The following HS3ST3B1 variants were observed in gnomAD, a reference collection of about 807,000 sequenced individuals.
The protein encoded by HS3ST3B1 is heparan sulfate-glucosamine 3-sulfotransferase 3B1.
Under a neutral mutation model 21.3 loss-of-function variants are expected in HS3ST3B1, and 13 were observed. The ratio of observed to expected loss-of-function variants is 0.61; its 90% CI spans 0.40 to 0.97. HS3ST3B1 has a LOEUF of 0.97. Ranked by LOEUF, HS3ST3B1 falls within the 50% of genes least tolerant of loss-of-function variation. HS3ST3B1 has a pLI of 0.00. For synonymous variants in HS3ST3B1, 234 were observed against 254.8 expected, an observed-to-expected ratio of 0.92 and a Z score of 0.78; for missense variants, 459 against 554.8, an observed-to-expected ratio of 0.83 and a Z score of 1.73.
At chr17:14,344,537 G>A (rs1910492519) in intron 1 of HS3ST3B1, among the ~76,000 whole-genome samples, 1 of 152,156 alleles carries the variant, frequency 6.6e-6, no homozygotes, top group Admixed American at 6.5e-5. Flanking sequence ...CAACTGGGCG[G>A]GACCCGAGGG....
chr17:14,321,383 C>T (rs1023764598), intron 1 of HS3ST3B1, among the ~76,000 whole-genome samples: 10 of 152,214 alleles, frequency 6.6e-5, no homozygotes, highest in African/African-American at 9.6e-5. Context: ...TTTAGCCTGG[C>T]GCAGCTTCAT....
chr17:14,343,550 C>T (rs1229630469), intron 1 of HS3ST3B1, among the ~76,000 whole-genome samples: 1 of 152,140 alleles, frequency 6.6e-6, no homozygotes, highest in Non-Finnish European at 1.5e-5. Context: ...GTGAGATCAA[C>T]TTTTTTAGAT....
chr17:14,315,031 C>T (rs144326943), intron 1 of HS3ST3B1, among the ~76,000 whole-genome samples: 157 of 152,304 alleles, frequency 1.0e-3, no homozygotes, highest in African/African-American at 3.5e-3. Flanking sequence ...TTGATGAAAT[C>T]ATTTTCAGTG....
intron 1 of HS3ST3B1, among the ~76,000 whole-genome samples, chr17:14,310,370 G>A (rs1567636351): frequency 6.6e-6 from 1 of 152,134 alleles, no homozygotes; most frequent in Non-Finnish European, 1.5e-5. Flanking sequence ...CATTTCTAGT[G>A]CTGCCCAAGG....
chr17:14,310,893 A>G (rs1007737009), intron 1 of HS3ST3B1, among the ~76,000 whole-genome samples: 3 of 152,148 alleles, frequency 2.0e-5, no homozygotes, highest in African/African-American at 4.8e-5. Flanking sequence ...AAGATCCCCA[A>G]GTGTGTGGGT....
At chr17:14,312,305 G>A (rs566592460) in intron 1 of HS3ST3B1, among the ~76,000 whole-genome samples, 15 of 152,202 alleles carry the variant, frequency 9.9e-5, no homozygotes, top group Non-Finnish European at 1.9e-4. Context: ...AAGGAAGAAG[G>A]GAACGACTCC....
chr17:14,330,889 G>A (rs1351159399), intron 1 of HS3ST3B1, among the ~76,000 whole-genome samples: 1 of 152,032 alleles, frequency 6.6e-6, no homozygotes, highest in Non-Finnish European at 1.5e-5. Context: ...TTAGAGACCG[G>A]GAAGCTAGGA....
At position 14,345,475 on chromosome 17, in the gene HS3ST3B1, C is replaced by G. The variant is rs1310966744; in HGVS notation, c.1002C>G (p.Phe334Leu). 1 of 1,529,408 alleles carries G rather than the reference C, an allele frequency of 6.5e-7. No individual in the cohort carries two copies. Among genetic ancestry groups the G allele is most frequent in the Admixed American group, 1.7e-5 (1 of 58,362 alleles). 94.7% of individuals were successfully genotyped at this position (1,529,408 alleles called of 1,614,324 possible). A position where few individuals can be genotyped will look rare whatever the true frequency, so the allele number is the denominator to read the frequency against. Residue 334 changes from phenylalanine (F) to leucine (L), a missense_variant, in exon 2 of 2, where the codon TTC becomes TTG. Phe to Leu is a conservative substitution (Grantham distance 22). Transcript: ENST00000360954. Reference sequence around the variant, plus strand: ...TCTACTTCAACAAGACCAAGGGCTTCCCCTGCCTGAAGAAGGCGGAGGGCA... The same window carrying G: ...TCTACTTCAACAAGACCAAGGGCTTGCCCTGCCTGAAGAAGGCGGAGGGCA... Reference protein sequence around the residue: ...KHFYFNKTKGFPCLKKAEGSS... With the variant: ...KHFYFNKTKGLPCLKKAEGSS...
intron 1 of HS3ST3B1, chr17:14,304,405 C>A (rs1460526739): frequency 1.3e-5 from 2 of 152,202 alleles, no homozygotes; most frequent in African/African-American, 4.8e-5. Context: ...TGGATATTTT[C>A]CAAGGGGGAA....
rs145630958 is a variant in HS3ST3B1 at position 14,320,503 on chromosome 17, C to G, written c.554+18431C>G. ...GATGTTTGTAAGTAAGCCTTAACCT[C>G]ATGACATTGAAGGGTAACTAGTACA... On this transcript the variant is annotated intron_variant, in intron 1 of 1. Transcript: ENST00000360954. Among the ~76,000 whole-genome samples the G allele has an allele frequency of 4.1e-3, 622 of 152,244 alleles. 9 individuals carry two copies. The highest frequency in any genetic ancestry group is 0.014 in the African/African-American group (580 of 41,548).
chr17:14,330,583 G>T (rs1296891139), intron 1 of HS3ST3B1, among the ~76,000 whole-genome samples: 1 of 150,502 alleles, frequency 6.6e-6, no homozygotes, highest in Non-Finnish European at 1.5e-5. Context: ...GTGTGTGTGT[G>T]TTGCTTGCGG....
intron 1 of HS3ST3B1, chr17:14,329,222 T>C (rs966458700): frequency 3.3e-5 from 5 of 151,946 alleles, no homozygotes; most frequent in Admixed American, 2.0e-4. Context: ...TTTAGCAGCC[T>C]CAGATGGATC....
In HS3ST3B1 at chr17:14,301,388, C is replaced by T; in HGVS notation, c.-131C>T. On this transcript the variant is annotated 5_prime_UTR_variant, in exon 1 of 2. Transcript: ENST00000360954. ...AGAGCAGCAGCAGCAGCGGCGGCCG[C>T]GGGCACACGGGGGCAATAAACCGAG... 5.2e-6 allele frequency: 4 copies of T among 774,738 alleles called. No individual in the cohort carries two copies. Among genetic ancestry groups the T allele is most frequent in the Non-Finnish European group, 7.3e-6 (4 of 545,482 alleles). The allele number at this position is 774,738 out of a possible 1,614,324, so 48.0% of individuals were successfully genotyped here. A position where few individuals can be genotyped will look rare whatever the true frequency, so the allele number is the denominator to read the frequency against.
At chr17:14,304,575 C>T (rs1216200073) in intron 1 of HS3ST3B1, 1 of 152,252 alleles carries the variant, frequency 6.6e-6, no homozygotes, top group Non-Finnish European at 1.5e-5. Context: ...ACCCAGAGCG[C>T]ATTACCTAAA....
intron 1 of HS3ST3B1, chr17:14,305,611 T>G (rs1909108093): frequency 6.6e-6 from 1 of 152,232 alleles, no homozygotes; most frequent in South Asian, 2.1e-4. Context: ...TTATTGTTTG[T>G]TATACAAAAA....
At chr17:14,326,644 G>A (rs1455872804) in intron 1 of HS3ST3B1, among the ~76,000 whole-genome samples, 1 of 152,022 alleles carries the variant, frequency 6.6e-6, no homozygotes, top group Non-Finnish European at 1.5e-5. Context: ...CAGGCTCAGG[G>A]GCCGTGGCTC....
At chr17:14,318,475 C>T (rs936586194) in intron 1 of HS3ST3B1, among the ~76,000 whole-genome samples, 2 of 152,194 alleles carry the variant, frequency 1.3e-5, no homozygotes. Context: ...TGCCGGTACT[C>T]CCAGTGTGAT....
At chr17:14,314,447 C>T (rs1340045681) in intron 1 of HS3ST3B1, among the ~76,000 whole-genome samples, 1 of 152,234 alleles carries the variant, frequency 6.6e-6, no homozygotes, top group Non-Finnish European at 1.5e-5. Flanking sequence ...TCTGTATCCC[C>T]TTCTGGTTAC....
rs376097140 is a variant in HS3ST3B1, at chr17:14,345,558, G to A, written c.1085G>A (p.Arg362His). The change falls in exon 2 of 2, where the codon CGC (arginine) becomes CAC (histidine). Residue 362 changes from arginine to histidine, a missense_variant. Physicochemically the swap from Arg to His is conservative, Grantham distance 29. This residue lies in a region of HS3ST3B1 where 127 missense variants were observed against 209.9 expected (regional missense o/e 0.60). Transcript: ENST00000360954. ...TKGRTHPEID[R>H]EVVRRLREFY... ...GGCAGGACCCATCCTGAGATCGACC[G>A]CGAGGTGGTGCGCAGGCTGCGCGAG... is the stretch of plus-strand genomic sequence containing the variant. 2.6e-5 allele frequency: 42 copies of A among 1,584,932 alleles called. No individual in the cohort carries two copies. The highest frequency in any genetic ancestry group is 3.5e-5 in the Non-Finnish European group (41 of 1,167,312).
Sources: gnomAD v4.1 joint callset for allele counts (sites outside exome capture counted in the v4.1 genomes callset) on GRCh38, gnomAD v4.1.1 for gene constraint, gnomAD v4.1.1 regional missense constraint, MANE v1.5 for transcripts, NCBI Gene and HGNC (gene_info 2026-07-23, HGNC 2026-07-21) for gene names.